The following DLG2 variants were observed in gnomAD, a reference collection of about 807,000 sequenced individuals.
DLG2 encodes discs large MAGUK scaffold protein 2.
DLG2 carries 45 observed loss-of-function variants against 132.5 expected under a neutral mutation model. That is an observed-to-expected ratio of 0.34 (90% CI 0.27 to 0.44). The LOEUF is 0.44. Among genes scored for constraint, DLG2 ranks in the 20% least tolerant of loss-of-function variants. DLG2 has a pLI of 1.00. For synonymous variants in DLG2, 424 were observed against 419.6 expected (o/e 1.01, Z -0.13); for missense variants, 1,045 against 1,196.9 (o/e 0.87, Z 1.87).
At chr11:84,315,527 A>C (rs569906239) in intron 7 of DLG2, among the ~76,000 whole-genome samples, 1 of 152,308 alleles carries the variant, frequency 6.6e-6, no homozygotes, top group East Asian at 1.9e-4. Flanking sequence ...TGTATTTGTT[A>C]AAGAGTATAT....
At chr11:85,455,686 G>A (rs571654413) in intron 3 of DLG2, among the ~76,000 whole-genome samples, 2 of 152,226 alleles carry the variant, frequency 1.3e-5, no homozygotes, top group South Asian at 2.1e-4. Flanking sequence ...TTATTATTTT[G>A]AAGTATGCTC....
chr11:85,506,327 T>C (rs886275999), intron 3 of DLG2, among the ~76,000 whole-genome samples: 2 of 152,184 alleles, frequency 1.3e-5, no homozygotes, highest in African/African-American at 4.8e-5. Context: ...ATTTTAGATC[T>C]TTCCTACTTT....
At chr11:83,668,291 T>C (rs1375383827) in intron 18 of DLG2, among the ~76,000 whole-genome samples, 2 of 152,118 alleles carry the variant, frequency 1.3e-5, no homozygotes, top group Non-Finnish European at 2.9e-5. Flanking sequence ...AAAATCTATT[T>C]TCAATTCTTC....
chr11:83,919,284 C>A (rs1253205402), intron 15 of DLG2, among the ~76,000 whole-genome samples: 1 of 152,142 alleles, frequency 6.6e-6, no homozygotes, highest in East Asian at 1.9e-4. Flanking sequence ...TACTATTTCA[C>A]TGATGGTGAG....
At chr11:83,768,590 A>G (rs2094244693) in intron 18 of DLG2, among the ~76,000 whole-genome samples, 1 of 152,206 alleles carries the variant, frequency 6.6e-6, no homozygotes, top group Non-Finnish European at 1.5e-5. Context: ...TAGTTGGTGT[A>G]TATTTTATTA....
chr11:83,532,118 A>G (rs1006455448), intron 21 of DLG2, among the ~76,000 whole-genome samples: 1 of 152,068 alleles, frequency 6.6e-6, no homozygotes, highest in African/African-American at 2.4e-5. Flanking sequence ...ACTGGATTGT[A>G]TTTTTTAAGT....
intron 9 of DLG2, among the ~76,000 whole-genome samples, chr11:84,138,946 C>G (rs1283368978): frequency 1.6e-5 from 1 of 61,020 alleles, no homozygotes; most frequent in East Asian, 4.6e-4. Flanking sequence ...AAGACTCCAT[C>G]TCAAAAAAAA....
intron 3 of DLG2, among the ~76,000 whole-genome samples, chr11:85,310,023 A>G (rs551280961): frequency 1.3e-5 from 2 of 152,356 alleles, no homozygotes; most frequent in South Asian, 4.1e-4. Context: ...GCTATAAACC[A>G]TCCAATTGGT....
At chr11:84,825,515 G>GT (rs2078226533) in intron 6 of DLG2, among the ~76,000 whole-genome samples, 1 of 151,888 alleles carries the variant, frequency 6.6e-6, no homozygotes, top group Non-Finnish European at 1.5e-5. Flanking sequence ...CAGGAATGCC[G>GT]TAAGCTGTGA....
chr11:83,469,404 G>T (rs188274342), intron 24 of DLG2, 31 bp from the exon 25 acceptor site: 41 of 1,578,736 alleles, frequency 2.6e-5, no homozygotes, highest in Admixed American at 3.5e-5. Context: ...TAAAATTAAG[G>T]TGCATTTATA....
intron 3 of DLG2, among the ~76,000 whole-genome samples, chr11:85,481,505 G>A (rs1449166267): frequency 6.6e-6 from 1 of 152,148 alleles, no homozygotes; most frequent in Non-Finnish European, 1.5e-5. Flanking sequence ...CACAGGGAGA[G>A]ATACCTTCCA....
intron 11 of DLG2, among the ~76,000 whole-genome samples, chr11:84,000,367 T>A (rs1693138581): frequency 6.6e-6 from 1 of 152,000 alleles, no homozygotes; most frequent in African/African-American, 2.4e-5. Flanking sequence ...TCATGACACA[T>A]GGGACACCAT....
chr11:84,732,196 T>G (rs1256561918), intron 6 of DLG2, among the ~76,000 whole-genome samples: 1 of 152,092 alleles, frequency 6.6e-6, no homozygotes, highest in Non-Finnish European at 1.5e-5. Flanking sequence ...GATGAACACT[T>G]GAGTCACTTT....
At chr11:83,868,167 C>T (rs974975650) in intron 16 of DLG2, among the ~76,000 whole-genome samples, 2 of 152,116 alleles carry the variant, frequency 1.3e-5, no homozygotes, top group African/African-American at 4.8e-5. Flanking sequence ...CTCTGAAGAT[C>T]TATCTCCCCC....
intron 5 of DLG2, among the ~76,000 whole-genome samples, chr11:85,145,563 T>A (rs1278521382): frequency 6.6e-6 from 1 of 152,074 alleles, no homozygotes; most frequent in Non-Finnish European, 1.5e-5. Flanking sequence ...ACAGCCTGTC[T>A]TCAATCTCAC....
intron 7 of DLG2, among the ~76,000 whole-genome samples, chr11:84,344,978 A>G (rs2154407781): frequency 6.6e-6 from 1 of 152,308 alleles, no homozygotes; most frequent in South Asian, 2.1e-4. Flanking sequence ...GAGAGATTGA[A>G]GCCTTATTAT....
intron 6 of DLG2, among the ~76,000 whole-genome samples, chr11:84,714,625 CTCTCTCTCTCTCTCTCTCTCTT>C (rs2060958855): frequency 9.6e-6 from 1 of 104,438 alleles, no homozygotes; most frequent in Non-Finnish European, 2.0e-5. Context: ...CTTTCTCTTT[CTCTCTCTCTCTCTCTCTCTCTT>C]TCTCTCTCTC....
chr11:84,668,658 G>A (rs543582904), intron 6 of DLG2, among the ~76,000 whole-genome samples: 12 of 152,158 alleles, frequency 7.9e-5, no homozygotes, highest in South Asian at 4.2e-4. Flanking sequence ...TTCATCCCTC[G>A]TGGTTTCTAG....
At chr11:84,111,451 GC>G (rs1189224812) in intron 9 of DLG2, among the ~76,000 whole-genome samples, 1 of 152,096 alleles carries the variant, frequency 6.6e-6, no homozygotes, top group Non-Finnish European at 1.5e-5. Context: ...GAAGGCAGGG[GC>G]CCCACTGTAT....
Sources: gnomAD v4.1 joint callset for allele counts (sites outside exome capture counted in the v4.1 genomes callset) on GRCh38, gnomAD v4.1.1 for gene constraint, MANE v1.5 for transcripts, NCBI Gene and HGNC (gene_info 2026-07-23, HGNC 2026-07-21) for gene names.